SCHIP1: variants seen among roughly 807,000 people sequenced by gnomAD.
SCHIP1 encodes the protein schwannomin-interacting protein 1.
In SCHIP1, 8 loss-of-function variants were observed where a neutral mutation model predicts 29.7. That is an observed-to-expected ratio of 0.27 (90% CI 0.16 to 0.49). SCHIP1 has a LOEUF of 0.49. SCHIP1 is among the 20% of genes least tolerant of loss of function. SCHIP1 has a pLI of 0.99. For synonymous variants in SCHIP1, 76 were observed against 94.9 expected (o/e 0.80, Z 1.16); for missense variants, 193 against 294.6 (o/e 0.66, Z 2.52).
the SCHIP1 span, among the ~76,000 whole-genome samples, chr3:159,314,879 T>C: frequency 6.6e-6 from 1 of 152,216 alleles, no homozygotes; most frequent in East Asian, 1.9e-4. Flanking sequence ...TATGCAAATA[T>C]ATTACAGCCT....
intron 2 of SCHIP1, among the ~76,000 whole-genome samples, chr3:159,885,035 A>C (rs1397005624): frequency 6.6e-6 from 1 of 152,224 alleles, no homozygotes; most frequent in Non-Finnish European, 1.5e-5. Flanking sequence ...GTGTTAAATC[A>C]GATTTTCTTT....
At chr3:159,704,896 C>CTTTATTTA in the SCHIP1 span, among the ~76,000 whole-genome samples, 1 of 74,164 alleles carries the variant, frequency 1.3e-5, no homozygotes, top group African/African-American at 9.3e-5. Context: ...TTCTTTCTTT[C>CTTTATTTA]TTTCTTTCTT....
the SCHIP1 span, among the ~76,000 whole-genome samples, chr3:159,535,678 C>T: frequency 1.3e-5 from 2 of 152,132 alleles, no homozygotes; most frequent in African/African-American, 4.8e-5. Flanking sequence ...ATTTATTGAC[C>T]TCATCATAAC....
chr3:159,851,329 C>T (rs756990097), intron 1 of SCHIP1, among the ~76,000 whole-genome samples: 16 of 152,154 alleles, frequency 1.1e-4, no homozygotes, highest in Non-Finnish European at 2.2e-4. Context: ...TTTTATTCAG[C>T]ACAATTATTT....
chr3:159,787,499 C>T, the SCHIP1 span, among the ~76,000 whole-genome samples: 1 of 152,208 alleles, frequency 6.6e-6, no homozygotes. Flanking sequence ...GAATGGATTC[C>T]TAGTGAAATA....
the SCHIP1 span, among the ~76,000 whole-genome samples, chr3:159,766,379 T>C: frequency 0.14 from 20,764 of 152,212 alleles, 1,641 homozygotes; most frequent in Middle Eastern, 0.29. Flanking sequence ...GGGAAACTAC[T>C]TAATAAATTA....
chr3:159,763,904 C>A, the SCHIP1 span: 1 of 151,962 alleles, frequency 6.6e-6, no homozygotes, highest in East Asian at 1.9e-4. Context: ...AAGCTCAGCT[C>A]GCGCGCGGAC....
At chr3:159,387,519 C>CT in the SCHIP1 span, 1 of 159,924 alleles carries the variant, frequency 6.3e-6, no homozygotes, top group Non-Finnish European at 1.4e-5. Context: ...ACAGGCAGCT[C>CT]TTTAGAGTAT....
the SCHIP1 span, among the ~76,000 whole-genome samples, chr3:159,456,257 AG>A: frequency 6.6e-6 from 1 of 152,146 alleles, no homozygotes; most frequent in Non-Finnish European, 1.5e-5. Context: ...ATGGAACTTA[AG>A]TAAATTGTTT....
chr3:159,717,436 C>G, the SCHIP1 span, among the ~76,000 whole-genome samples: 12 of 152,066 alleles, frequency 7.9e-5, no homozygotes, highest in Non-Finnish European at 1.6e-4. Context: ...TCAATGAATC[C>G]AGGAGCTGGT....
intron 1 of SCHIP1, among the ~76,000 whole-genome samples, chr3:159,846,455 T>C (rs756011600): frequency 6.6e-6 from 1 of 152,180 alleles, no homozygotes; most frequent in Non-Finnish European, 1.5e-5. Flanking sequence ...AAAGCAAATA[T>C]ATTCTATCCC....
chr3:159,326,447 A>G, the SCHIP1 span, among the ~76,000 whole-genome samples: 2 of 152,130 alleles, frequency 1.3e-5, no homozygotes, highest in African/African-American at 4.8e-5. Context: ...AACGATTACA[A>G]TTATGTCCAA....
At chr3:159,510,545 T>G in the SCHIP1 span, among the ~76,000 whole-genome samples, 1 of 152,248 alleles carries the variant, frequency 6.6e-6, no homozygotes, top group Non-Finnish European at 1.5e-5. Flanking sequence ...AGAGGCGCTC[T>G]GATTTTTAGA....
At chr3:159,355,824 T>A in the SCHIP1 span, among the ~76,000 whole-genome samples, 2 of 152,158 alleles carry the variant, frequency 1.3e-5, no homozygotes, top group African/African-American at 4.8e-5. Flanking sequence ...TAAACTCTAG[T>A]GAGTTAGGAT....
chr3:159,781,708 T>C, the SCHIP1 span, among the ~76,000 whole-genome samples: 3 of 151,270 alleles, frequency 2.0e-5, no homozygotes, highest in Non-Finnish European at 4.4e-5. Context: ...CAGGGAAGAG[T>C]GACAGAAATC....
the SCHIP1 span, among the ~76,000 whole-genome samples, chr3:159,392,504 T>G: frequency 2.1e-5 from 3 of 142,138 alleles, no homozygotes; most frequent in Admixed American, 1.4e-4. Context: ...TTCCCCTTCC[T>G]GCGTCCATGT....
At chr3:159,608,985 A>G in the SCHIP1 span, among the ~76,000 whole-genome samples, 2 of 152,214 alleles carry the variant, frequency 1.3e-5, no homozygotes, top group Non-Finnish European at 2.9e-5. Context: ...CCATCCATTC[A>G]TCATACCTAG....
chr3:159,474,597 A>T, the SCHIP1 span, among the ~76,000 whole-genome samples: 1 of 152,166 alleles, frequency 6.6e-6, no homozygotes, highest in Non-Finnish European at 1.5e-5. Flanking sequence ...GTAAATACAG[A>T]AACAGAAAAT....
the SCHIP1 span, among the ~76,000 whole-genome samples, chr3:159,698,660 G>A: frequency 6.6e-6 from 1 of 151,608 alleles, no homozygotes; most frequent in Non-Finnish European, 1.5e-5. Context: ...TTTTCTTGAG[G>A]CAGGGTCTTG....
Sources: gnomAD v4.1 joint callset for allele counts (sites outside exome capture counted in the v4.1 genomes callset) on GRCh38, gnomAD v4.1.1 for gene constraint, MANE v1.5 for transcripts, NCBI Gene and HGNC (gene_info 2026-07-23, HGNC 2026-07-21) for gene names.